Variants in UNC93A observed in about 807,000 individuals in gnomAD.
UNC93A encodes N-acetylglucosamine transporter UNC93A.
In UNC93A, 43 loss-of-function variants were observed where a neutral mutation model predicts 47.5. The observed-to-expected ratio is 0.91, with a 90% confidence interval of 0.71 to 1.17. UNC93A has a LOEUF of 1.17. UNC93A is among the 50% of genes most tolerant of loss of function. The pLI, the probability that UNC93A is intolerant of heterozygous loss-of-function variation, is 0.00. For missense variants in UNC93A, 605 were observed against 577.6 expected (o/e 1.05, Z -0.49); for synonymous variants, 280 against 258.0 (o/e 1.09, Z -0.82).
intron 7 of UNC93A, among the ~76,000 whole-genome samples, chr6:167,309,795 G>C (rs1162903405): frequency 6.6e-6 from 1 of 152,160 alleles, no homozygotes; most frequent in African/African-American, 2.4e-5. Context: ...CCACACTGTT[G>C]GATTTAAGGA....
At position 167,295,776 on chromosome 6, in the gene UNC93A, C is replaced by T. The variant is rs76516188; in HGVS notation, c.270-256C>T. On this transcript the variant is annotated intron_variant, in intron 2 of 7. Transcript: ENST00000230256. The stretch of plus-strand genomic sequence containing the variant: ...TGCTCCTCACCTTGTTGTTTGCAAT[C>T]GCATCCGATACAAGGAGCCTCACTG... Among the ~76,000 whole-genome samples, 1,421 of 152,088 alleles carry T rather than the reference C, an allele frequency of 9.3e-3. 37 individuals carry two copies. The highest frequency in any genetic ancestry group is 0.033 in the African/African-American group (1,356 of 41,314).
At chr6:167,277,196 A>G (rs1346689828) in intron 1 of UNC93A, among the ~76,000 whole-genome samples, 2 of 152,226 alleles carry the variant, frequency 1.3e-5, no homozygotes, top group African/African-American at 4.8e-5. Flanking sequence ...AGTCTGGCCA[A>G]GGAGCCATCT....
Position 167,315,327 on chromosome 6 carries a change from G to T in UNC93A, c.1249G>T (p.Val417Phe), listed in dbSNP as rs149481536. The change falls in exon 8 of 8, where the codon GTC (valine) becomes TTC (phenylalanine). Residue 417 changes from valine to phenylalanine, a missense_variant. By Grantham distance (50) the Val-to-Phe change is conservative. Coordinates refer to ENST00000230256, the MANE Select transcript of UNC93A (RefSeq NM_018974.4). ...CGTCAAGCTCTACATTCTGCTGGGG[G>T]TCCTGAGCCTGACCATGGTGGCGTA... is the stretch of plus-strand genomic sequence containing the variant. ...VHVKLYILLG[V>F]LSLTMVAYGL... 5.0e-6 allele frequency: 8 copies of T among 1,613,882 alleles called. No individual in the cohort carries two copies. The South Asian group carries it at 6.6e-5, about 13-fold the overall frequency.
intron 4 of UNC93A, among the ~76,000 whole-genome samples, chr6:167,301,584 T>C (rs1446429066): frequency 6.6e-6 from 1 of 152,152 alleles, no homozygotes; most frequent in Non-Finnish European, 1.5e-5. Flanking sequence ...ATCCCCCAAT[T>C]CATGCCCCAC....
chr6:167,278,237 C>G (rs1055373254), intron 1 of UNC93A, among the ~76,000 whole-genome samples: 6 of 152,112 alleles, frequency 3.9e-5, no homozygotes, highest in Admixed American at 2.0e-4. Context: ...GGAAGCAAGC[C>G]CAGGGTTGGG....
At chr6:167,307,442 ACAG>A in intron 6 of UNC93A, among the ~76,000 whole-genome samples, 1 of 56,696 alleles carries the variant, frequency 1.8e-5, no homozygotes, top group African/African-American at 1.1e-4. Flanking sequence ...GATGGTTGAG[ACAG>A]TTCCAGAGGA....
At chr6:167,289,844 C>T (rs35027030), upstream of UNC93A, among the ~76,000 whole-genome samples, 11,212 of 151,950 alleles carry the variant, frequency 0.074, 582 homozygotes, top group Non-Finnish European at 0.11. Flanking sequence ...GTTGATTGAT[C>T]GATAACACGG....
intron 5 of UNC93A, among the ~76,000 whole-genome samples, chr6:167,305,709 C>G (rs1331010678): frequency 6.6e-6 from 1 of 152,178 alleles, no homozygotes. Flanking sequence ...TCCAAACTGC[C>G]TCCTTTTAGT....
chr6:167,277,771 C>T (rs1169528421), intron 1 of UNC93A, among the ~76,000 whole-genome samples: 1 of 152,056 alleles, frequency 6.6e-6, no homozygotes, highest in African/African-American at 2.4e-5. Context: ...CTCTCTGCCT[C>T]TTTGTATCTT....
At chr6:167,294,236 A>T (rs554690645) in intron 1 of UNC93A, among the ~76,000 whole-genome samples, 1 of 152,298 alleles carries the variant, frequency 6.6e-6, no homozygotes, top group Non-Finnish European at 1.5e-5. Context: ...GTGTCCACAG[A>T]GGCGTGAGCG....
chr6:167,308,615 G>A (rs989885784), intron 7 of UNC93A, among the ~76,000 whole-genome samples: 3 of 151,982 alleles, frequency 2.0e-5, no homozygotes, highest in African/African-American at 7.3e-5. Context: ...GGCCTTGCTG[G>A]GGCTGGGGCC....
At chr6:167,293,138 G>T (rs1022798787) in intron 1 of UNC93A, among the ~76,000 whole-genome samples, 2 of 152,160 alleles carry the variant, frequency 1.3e-5, no homozygotes, top group Non-Finnish European at 2.9e-5. Flanking sequence ...CCAGTTTGGG[G>T]GTGCCTCATT....
chr6:167,273,690 T>C (rs1831491), intron 1 of UNC93A, among the ~76,000 whole-genome samples: 55,677 of 151,582 alleles, frequency 0.37, 10,862 homozygotes, highest in African/African-American at 0.51. Context: ...GCATAAGGCA[T>C]CAATCAATAC....
chr6:167,310,799 T>C (rs1457886172), intron 7 of UNC93A, among the ~76,000 whole-genome samples: 1 of 152,178 alleles, frequency 6.6e-6, no homozygotes, highest in Non-Finnish European at 1.5e-5. Flanking sequence ...GAGGATCACA[T>C]GAACCTGGGA....
In UNC93A at chr6:167,292,543, C is replaced by T. The variant is rs78882432; in HGVS notation, c.87+967C>T. On this transcript the variant is annotated intron_variant, in intron 1 of 7. Coordinates refer to ENST00000230256, the MANE Select transcript of UNC93A (RefSeq NM_018974.4). ...AATTCTCAAGTAATGTTTCCTTTTG[C>T]TGAACTCCTATCTGGTTCTATTTCT... is the stretch of plus-strand genomic sequence containing the variant. Among the ~76,000 whole-genome samples, 45 of 152,300 alleles carry T rather than the reference C, an allele frequency of 3.0e-4. No individual in the cohort carries two copies. In the East Asian group the frequency reaches 5.2e-3, roughly 18 times the overall value.
At chr6:167,310,110 A>C (rs1210773468) in intron 7 of UNC93A, among the ~76,000 whole-genome samples, 1 of 152,230 alleles carries the variant, frequency 6.6e-6, no homozygotes, top group Non-Finnish European at 1.5e-5. Context: ...ATAAGCATCA[A>C]ACAGTATTTG....
chr6:167,276,391 G>A (rs892135732), intron 1 of UNC93A, among the ~76,000 whole-genome samples: 11 of 152,090 alleles, frequency 7.2e-5, no homozygotes, highest in African/African-American at 2.2e-4. Context: ...GGCTCATATC[G>A]TGATTCTATT....
upstream of UNC93A, among the ~76,000 whole-genome samples, chr6:167,288,586 A>G (rs912864551): frequency 3.9e-5 from 6 of 152,218 alleles, no homozygotes; most frequent in African/African-American, 7.2e-5. Context: ...ATGTGGATAA[A>G]AAGATGTAAG....
At chr6:167,273,596 G>A (rs577204372) in intron 1 of UNC93A, among the ~76,000 whole-genome samples, 8 of 152,276 alleles carry the variant, frequency 5.3e-5, no homozygotes, top group African/African-American at 1.7e-4. Flanking sequence ...GAGTGACCAT[G>A]GCCCGTGACA....
Sources: gnomAD v4.1 joint callset for allele counts (sites outside exome capture counted in the v4.1 genomes callset) on GRCh38, gnomAD v4.1.1 for gene constraint, MANE v1.5 for transcripts, NCBI Gene and HGNC (gene_info 2026-07-23, HGNC 2026-07-21) for gene names.